DLST: variants seen among roughly 807,000 people sequenced by gnomAD.
The protein encoded by DLST is dihydrolipoamide S-succinyltransferase, also known as dihydrolipoyllysine-residue succinyltransferase component of 2-oxoglutarate dehydrogenase complex, mitochondrial.
In DLST, 17 loss-of-function variants were observed where a neutral mutation model predicts 53.1. The observed-to-expected ratio is 0.32, with a 90% CI of 0.22 to 0.48. The LOEUF is 0.48. DLST is among the 20% of genes least tolerant of loss of function. DLST has a pLI of 0.99. For missense variants in DLST, 512 were observed against 583.9 expected (o/e 0.88, Z 1.27); for synonymous variants, 206 against 204.8 (o/e 1.01, Z -0.05).
At chr14:74,885,520 C>G in intron 2 of DLST, 66 bp from the exon 3 acceptor site, 1 of 1,542,388 alleles carries the variant, frequency 6.5e-7, no homozygotes, top group Non-Finnish European at 9.0e-7. Flanking sequence ...CAGACCTTTT[C>G]CATTCCCAGC....
intron 10 of DLST, among the ~76,000 whole-genome samples, chr14:74,897,693 C>CAT (rs1884113828): frequency 1.3e-5 from 2 of 152,188 alleles, no homozygotes; most frequent in Non-Finnish European, 2.9e-5. Context: ...CTGACCCTCA[C>CAT]ATGTAGTAAG....
intron 7 of DLST, chr14:74,891,796 A>G (rs1222436224): frequency 1.0e-5 from 10 of 985,258 alleles, no homozygotes; most frequent in African/African-American, 5.2e-5. Flanking sequence ...ACAGAAGTCT[A>G]TTTCTTTTTC....
chr14:74,890,973 T>C (rs2140192840), intron 6 of DLST, 83 bp from the exon 7 acceptor site: 1 of 1,525,808 alleles, frequency 6.6e-7, no homozygotes, highest in Non-Finnish European at 8.8e-7. Context: ...CCACTGTGCC[T>C]GGCTTCATTG....
chr14:74,883,212 G>A (rs1883590612), intron 2 of DLST, among the ~76,000 whole-genome samples: 1 of 151,744 alleles, frequency 6.6e-6, no homozygotes, highest in Admixed American at 6.6e-5. Context: ...CGAGAATGGC[G>A]TGAAGCCGGG....
intron 12 of DLST, 42 bp from the exon 13 acceptor site, chr14:74,900,247 A>C: frequency 6.4e-7 from 1 of 1,559,236 alleles, no homozygotes. Flanking sequence ...TATAAAAGGT[A>C]CTATTAATTT....
intron 7 of DLST, 132 bp downstream of exon 7, chr14:74,891,299 G>T: frequency 6.8e-7 from 1 of 1,460,586 alleles, no homozygotes; most frequent in Non-Finnish European, 9.1e-7. Context: ...GGGAATAAGG[G>T]GTAAATTTAT....
At chr14:74,894,475 T>C (rs1038395404) in intron 10 of DLST, 66 bp downstream of exon 10, 2 of 1,475,960 alleles carry the variant, frequency 1.4e-6, no homozygotes, top group African/African-American at 2.8e-5. Context: ...CTTGCCCCAC[T>C]CCTTATCTAG....
chr14:74,899,325 G>T (rs1178568953), intron 11 of DLST, among the ~76,000 whole-genome samples: 5 of 151,948 alleles, frequency 3.3e-5, no homozygotes, highest in Admixed American at 6.6e-5. Flanking sequence ...GCTTCCTCTG[G>T]ATGTCTTATC....
At position 74,898,263 on chromosome 14, in the gene DLST, A is replaced by C. The variant is rs756715081; in HGVS notation, c.771-106A>C. 1.6e-4 allele frequency: 225 copies of C among 1,416,086 alleles called. 1 individual carries two copies. The highest frequency in any genetic ancestry group is 2.0e-4 in the Non-Finnish European group (209 of 1,039,150). The allele number at this position is 1,416,086 out of a possible 1,614,324, so 87.7% of individuals were successfully genotyped here. A position where few individuals can be genotyped will look rare whatever the true frequency, so the allele number is the denominator to read the frequency against. ...AAAACTTGAACTAAGGTAATGGTCC[A>C]GAGTGAGGGAAAAGCTCTCACCTAA... On this transcript the variant is annotated intron_variant, in intron 10 of 14. Coordinates refer to ENST00000334220, the MANE Select transcript of DLST (RefSeq NM_001933.5).
intron 7 of DLST, chr14:74,891,390 A>G (rs1471705825): frequency 6.6e-6 from 8 of 1,212,662 alleles, no homozygotes; most frequent in Admixed American, 3.8e-5. Flanking sequence ...TGTTCTTTCC[A>G]TGGGTGTTTC....
chr14:74,891,300 G>C, intron 7 of DLST, 133 bp downstream of exon 7: 1 of 1,467,950 alleles, frequency 6.8e-7, no homozygotes, highest in East Asian at 2.5e-5. Context: ...GGAATAAGGG[G>C]TAAATTTATA....
intron 9 of DLST, 29 bp downstream of exon 9, chr14:74,893,453 A>G (rs779743413): frequency 1.7e-5 from 28 of 1,613,410 alleles, no homozygotes; most frequent in Non-Finnish European, 2.3e-5. Context: ...CTTTCAGGAA[A>G]GAGGCAGGGG....
Position 74,882,156 on chromosome 14 carries a change from C to G in DLST, c.63+140C>G, listed in dbSNP as rs1305895708. 3 of 708,428 alleles carry G rather than the reference C, an allele frequency of 4.2e-6. No homozygotes were observed. In the Admixed American group the frequency reaches 1.4e-4, roughly 32 times the overall value. The allele number at this position is 708,428 out of a possible 1,614,324, so 43.9% of individuals were successfully genotyped here. On this transcript the variant is annotated intron_variant, in intron 1 of 14. Transcript: ENST00000334220. Reference sequence around the variant, plus strand: ...GGACGCGGAGGCCGCGCGGGCTGGGCGGCCCGGGGCCGTGGTTGCCCTCGG... The same window carrying G: ...GGACGCGGAGGCCGCGCGGGCTGGGGGGCCCGGGGCCGTGGTTGCCCTCGG...
At chr14:74,900,042 C>T in intron 12 of DLST, 46 bp downstream of exon 12, 17 of 1,465,044 alleles carry the variant, frequency 1.2e-5, no homozygotes, top group Non-Finnish European at 1.6e-5. Context: ...AGACCCTCAC[C>T]TTATCTGTGT....
At chr14:74,899,899 T>A (rs1199609665) in intron 11 of DLST, 24 bp from the exon 12 acceptor site, 1 of 1,588,432 alleles carries the variant, frequency 6.3e-7, no homozygotes, top group Non-Finnish European at 8.6e-7. Context: ...GAGTTGTATG[T>A]AACATGTATT....
chr14:74,898,010 T>C (rs1884125231), intron 10 of DLST, among the ~76,000 whole-genome samples: 2 of 152,002 alleles, frequency 1.3e-5, no homozygotes, highest in Middle Eastern at 6.8e-3. Context: ...TTGTTTATAC[T>C]TTAAAAAATT....
intron 7 of DLST, 94 bp downstream of exon 7, chr14:74,891,261 T>C (rs747502600): frequency 1.3e-6 from 2 of 1,565,850 alleles, no homozygotes; most frequent in Non-Finnish European, 1.7e-6. Context: ...TGTCAAAGAC[T>C]CTTGTCATTC....
intron 7 of DLST, 39 bp downstream of exon 7, chr14:74,891,206 C>A: frequency 6.2e-7 from 1 of 1,613,478 alleles, no homozygotes; most frequent in South Asian, 1.1e-5. Flanking sequence ...CTCCAGTGTT[C>A]CCTCTTGGGA....
chr14:74,889,003 G>A (rs1307567688), intron 3 of DLST, 92 bp from the exon 4 acceptor site: 2 of 1,333,198 alleles, frequency 1.5e-6, no homozygotes, highest in Admixed American at 3.4e-5. Context: ...AAGAGTCACT[G>A]TTTAAGGGGA....
Sources: allele counts gnomAD v4.1 joint callset (sites outside exome capture counted in the v4.1 genomes callset), GRCh38; gene constraint gnomAD v4.1.1; transcripts MANE v1.5; gene names NCBI Gene and HGNC (gene_info 2026-07-23, HGNC 2026-07-21).